PTPRD: variants seen among roughly 807,000 people sequenced by gnomAD.
PTPRD encodes receptor-type tyrosine-protein phosphatase delta.
Under a neutral mutation model 214.5 loss-of-function variants are expected in PTPRD, and 34 were observed. That is an observed-to-expected ratio of 0.16 (90% CI 0.12 to 0.21). The LOEUF is 0.21. Ranked by LOEUF, PTPRD falls within the 10% of genes least tolerant of loss-of-function variation. The pLI is 1.00. For synonymous variants in PTPRD, 1,128 were observed against 845.7 expected (o/e 1.33, Z -5.79); for missense variants, 2,545 against 2,398.7 (o/e 1.06, Z -1.27).
At chr9:9,635,055 A>G (rs1343687897) in intron 7 of PTPRD, among the ~76,000 whole-genome samples, 1 of 152,220 alleles carries the variant, frequency 6.6e-6, no homozygotes, top group Non-Finnish European at 1.5e-5. Flanking sequence ...TTTGAGCAAT[A>G]GGACATATCC....
At chr9:10,144,132 A>G (rs1465781525) in intron 3 of PTPRD, among the ~76,000 whole-genome samples, 1 of 152,180 alleles carries the variant, frequency 6.6e-6, no homozygotes, top group East Asian at 1.9e-4. Context: ...TAAATAGAGA[A>G]TAAATGAATG....
intron 43 of PTPRD, 57 bp downstream of exon 43, chr9:8,338,865 G>GAGAA: frequency 6.6e-7 from 1 of 1,505,918 alleles, no homozygotes; most frequent in South Asian, 1.3e-5. Context: ...GAGAGAGAGA[G>GAGAA]GTATCTTAGA....
Position 9,378,845 on chromosome 9 carries a change from CT to C in PTPRD, c.-203+18603del, listed in dbSNP as rs200214152. Among the ~76,000 whole-genome samples the C allele has an allele frequency of 7.1e-3, 1,086 of 152,142 alleles. 7 individuals are homozygous for C. The highest frequency in any genetic ancestry group is 0.025 in the African/African-American group (1,019 of 41,532). On this transcript the variant is annotated intron_variant, in intron 9 of 45. Coordinates refer to ENST00000381196, the MANE Select transcript of PTPRD (RefSeq NM_002839.4). ...TGTATCCCTTAAAATCTTTCACCCA[CT>C]TTTTAATTTTTTCCTATTGTTGATT...
At chr9:8,987,397 G>T (rs1176818490) in intron 11 of PTPRD, among the ~76,000 whole-genome samples, 1 of 151,998 alleles carries the variant, frequency 6.6e-6, no homozygotes, top group African/African-American at 2.4e-5. Context: ...TTAACACAAT[G>T]ATTACTATGC....
At chr9:8,551,256 T>G (rs2082028459) in intron 14 of PTPRD, among the ~76,000 whole-genome samples, 1 of 152,214 alleles carries the variant, frequency 6.6e-6, no homozygotes, top group African/African-American at 2.4e-5. Flanking sequence ...AATTAAATTT[T>G]TTTTCAATTT....
At chr9:8,351,369 G>C (rs1335105116) in intron 39 of PTPRD, among the ~76,000 whole-genome samples, 2 of 151,452 alleles carry the variant, frequency 1.3e-5, no homozygotes. Context: ...TGGCAGTACA[G>C]ATAAACTTTC....
chr9:10,359,701 G>GT (rs1393111676), intron 2 of PTPRD, among the ~76,000 whole-genome samples: 1 of 152,068 alleles, frequency 6.6e-6, no homozygotes. Context: ...GTTCTGCAGT[G>GT]TAATTAAACC....
chr9:8,803,843 C>T (rs1311704045), intron 11 of PTPRD, among the ~76,000 whole-genome samples: 2 of 151,936 alleles, frequency 1.3e-5, no homozygotes, highest in Non-Finnish European at 2.9e-5. Flanking sequence ...TGCCAAAAAG[C>T]CATGTGCAAA....
chr9:10,502,056 T>C (rs2133263218), intron 2 of PTPRD, among the ~76,000 whole-genome samples: 1 of 151,916 alleles, frequency 6.6e-6, no homozygotes, highest in South Asian at 2.1e-4. Context: ...AGCTTAATTT[T>C]TTTTAAGAAA....
At chr9:9,845,438 G>C (rs1412020215) in intron 5 of PTPRD, among the ~76,000 whole-genome samples, 1 of 151,640 alleles carries the variant, frequency 6.6e-6, no homozygotes, top group Non-Finnish European at 1.5e-5. Context: ...GATCTACAGA[G>C]GACACCCCTT....
intron 3 of PTPRD, among the ~76,000 whole-genome samples, chr9:10,061,056 T>C (rs1441121498): frequency 1.3e-5 from 2 of 151,404 alleles, no homozygotes; most frequent in Non-Finnish European, 2.9e-5. Context: ...AACATGAGAA[T>C]ACAAAAGAAA....
At chr9:8,541,726 T>C (rs1250146937) in intron 14 of PTPRD, among the ~76,000 whole-genome samples, 1 of 152,184 alleles carries the variant, frequency 6.6e-6, no homozygotes, top group Non-Finnish European at 1.5e-5. Flanking sequence ...TCAAAATCTT[T>C]GAAATCACAG....
intron 11 of PTPRD, among the ~76,000 whole-genome samples, chr9:8,912,013 G>A (rs1002370887): frequency 6.6e-6 from 1 of 152,102 alleles, no homozygotes; most frequent in Non-Finnish European, 1.5e-5. Context: ...AACAAGTACT[G>A]GTAAGGATGT....
chr9:9,919,474 T>C, intron 5 of PTPRD, among the ~76,000 whole-genome samples: 1 of 152,156 alleles, frequency 6.6e-6, no homozygotes, highest in South Asian at 2.1e-4. Flanking sequence ...ACCCTTTAGA[T>C]GGCTGTGGAG....
intron 2 of PTPRD, among the ~76,000 whole-genome samples, chr9:10,434,593 T>G (rs1286673960): frequency 2.6e-5 from 4 of 151,876 alleles, no homozygotes; most frequent in South Asian, 2.1e-4. Flanking sequence ...TACTATAATA[T>G]GTACTCATTC....
intron 3 of PTPRD, among the ~76,000 whole-genome samples, chr9:10,135,659 C>A (rs150373974): frequency 0.017 from 2,577 of 152,086 alleles, 37 homozygotes; most frequent in Non-Finnish European, 0.025. Flanking sequence ...AAATAAAATT[C>A]TTTTCAGACA....
intron 5 of PTPRD, among the ~76,000 whole-genome samples, chr9:9,805,887 A>C (rs1286128756): frequency 1.3e-5 from 2 of 152,184 alleles, no homozygotes; most frequent in Non-Finnish European, 2.9e-5. Flanking sequence ...AAGAACAGAA[A>C]GAAGAAAAGG....
At chr9:9,442,239 G>T (rs1168849618) in intron 8 of PTPRD, 1 of 152,208 alleles carries the variant, frequency 6.6e-6, no homozygotes, top group African/African-American at 2.4e-5. Context: ...CTAAGGAGGG[G>T]TGAACCGGCC....
chr9:8,367,516 G>A (rs1383572167), intron 39 of PTPRD, among the ~76,000 whole-genome samples: 2 of 152,136 alleles, frequency 1.3e-5, no homozygotes, highest in Non-Finnish European at 2.9e-5. Context: ...AACTGCTGAG[G>A]TTAAGAAACC....
Sources: gnomAD v4.1 joint callset for allele counts (sites outside exome capture counted in the v4.1 genomes callset) on GRCh38, gnomAD v4.1.1 for gene constraint, MANE v1.5 for transcripts, NCBI Gene and HGNC (gene_info 2026-07-23, HGNC 2026-07-21) for gene names.